DPH5: variants seen among roughly 807,000 people sequenced by gnomAD.
The protein encoded by DPH5 is diphthamide biosynthesis 5.
Under a neutral mutation model 31.6 loss-of-function variants are expected in DPH5, and 31 were observed. The observed-to-expected ratio is 0.98, with a 90% CI of 0.74 to 1.32. The LOEUF (loss-of-function observed/expected upper bound fraction) is 1.32, where lower values mean the gene tolerates loss of function less well. Ranked by LOEUF, DPH5 falls within the 40% of genes most tolerant of loss-of-function variation. The probability of loss-of-function intolerance (pLI) is 0.00; values close to 1 mark genes in which losing one functional copy is unlikely to be tolerated. For missense variants in DPH5, 309 were observed against 335.7 expected (o/e 0.92, Z 0.62); for synonymous variants, 120 against 115.0 (o/e 1.04, Z -0.28).
At chr1:101,024,363 C>A (rs911959796) in intron 2 of DPH5, among the ~76,000 whole-genome samples, 2 of 152,194 alleles carry the variant, frequency 1.3e-5, no homozygotes, top group African/African-American at 2.4e-5. Context: ...GAGCCATGAT[C>A]ATACCATTGC....
At chr1:101,021,858 ACT>A (rs1491035034) in intron 2 of DPH5, 93 bp from the exon 3 acceptor site, 5 of 1,157,580 alleles carry the variant, frequency 4.3e-6, no homozygotes, top group East Asian at 2.7e-5. Flanking sequence ...ACACACACAC[ACT>A]CTTTGTTTGG....
intron 4 of DPH5, among the ~76,000 whole-genome samples, chr1:101,004,058 G>A (rs1456301421): frequency 6.6e-6 from 1 of 152,164 alleles, no homozygotes; most frequent in East Asian, 1.9e-4. Flanking sequence ...TGAGATGCAA[G>A]TCACATATAA....
At position 100,989,797 on chromosome 1, in the gene DPH5, CA is replaced by C. The variant is rs1384410788; in HGVS notation, c.*610del. The C allele has an allele frequency of 1.3e-5, 2 of 152,340 alleles. No individual in the cohort carries two copies. Among genetic ancestry groups the C allele is most frequent in the African/African-American group, 4.8e-5 (2 of 41,436 alleles). The allele number at this position is 152,340 out of a possible 1,614,324, so 9.4% of individuals were successfully genotyped here. ...AAAAACTGCTCTTAAATGATTCTGT[CA>C]GTGGATGTCTATCCACAAGCTTTCC... On this transcript the variant is annotated 3_prime_UTR_variant, in exon 8 of 8. Transcript: ENST00000370109.
chr1:101,008,881 C>T (rs1275528994), intron 4 of DPH5, among the ~76,000 whole-genome samples: 2 of 152,214 alleles, frequency 1.3e-5, no homozygotes, highest in East Asian at 3.8e-4. Context: ...CCACGCTGTG[C>T]AACCACTGCC....
chr1:100,991,904 C>T (rs1427685323), intron 7 of DPH5, among the ~76,000 whole-genome samples: 3 of 150,596 alleles, frequency 2.0e-5, no homozygotes, highest in South Asian at 2.1e-4. Flanking sequence ...CCAAGGAATT[C>T]GAGAAAAGCC....
rs931406651 is a variant in DPH5, at chr1:101,008,448, C to T, written c.369+5262G>A. Among the ~76,000 whole-genome samples the T allele has an allele frequency of 1.6e-4, 24 of 152,350 alleles. No individual in the cohort carries two copies. The South Asian group carries it at 2.3e-3, about 14-fold the overall frequency. The stretch of plus-strand genomic sequence containing the variant: ...GTAATCTGAGATCCAGAGAAGATGA[C>T]GCCTTAGTTACTGCCTAGGCAAGAA... On this transcript the variant is annotated intron_variant, in intron 4 of 7. Transcript: ENST00000370109.
At chr1:101,006,131 C>T (rs946285092) in intron 4 of DPH5, among the ~76,000 whole-genome samples, 1 of 152,314 alleles carries the variant, frequency 6.6e-6, no homozygotes, top group Non-Finnish European at 1.5e-5. Flanking sequence ...AATTAAACTC[C>T]ACAGTTTATT....
At chr1:101,002,271 C>T (rs965020384) in intron 4 of DPH5, among the ~76,000 whole-genome samples, 2 of 152,218 alleles carry the variant, frequency 1.3e-5, no homozygotes, top group East Asian at 1.9e-4. Context: ...GCTGGCTTCT[C>T]TGATCCAGAC....
chr1:101,014,896 C>A lies in DPH5; in HGVS notation c.261-1078G>T, dbSNP rs1458137351. Among the ~76,000 whole-genome samples the A allele has an allele frequency of 5.9e-5, 9 of 152,312 alleles. No homozygotes were observed. In the East Asian group the frequency reaches 1.5e-3, roughly 26 times the overall value. The stretch of plus-strand genomic sequence containing the variant: ...ACTTTCTTTGCCTGTCCATAAGAAG[C>A]AACTCTTCATCTGTTCAAGTTTTAT... On this transcript the variant is annotated intron_variant, in intron 3 of 7. Transcript: ENST00000370109.
At chr1:101,001,848 AT>A (rs1396169628) in intron 4 of DPH5, among the ~76,000 whole-genome samples, 1 of 152,138 alleles carries the variant, frequency 6.6e-6, no homozygotes, top group Non-Finnish European at 1.5e-5. Context: ...ATGTGTAACA[AT>A]TTCATAATTT....
intron 5 of DPH5, 136 bp downstream of exon 5, chr1:101,001,331 T>A: frequency 1.4e-6 from 1 of 728,778 alleles, no homozygotes; most frequent in Non-Finnish European, 2.2e-6. Context: ...TGGGAAAGAG[T>A]GTGGTCTGCA....
At chr1:101,002,520 C>G (rs1658948762) in intron 4 of DPH5, among the ~76,000 whole-genome samples, 1 of 152,094 alleles carries the variant, frequency 6.6e-6, no homozygotes, top group Non-Finnish European at 1.5e-5. Context: ...TATCTCAGCA[C>G]TGAGCAAAGG....
rs545250782 is a variant in DPH5, at chr1:101,005,923, GA to G, written c.370-4337del. Among the ~76,000 whole-genome samples the G allele has an allele frequency of 2.3e-3, 350 of 152,212 alleles. 4 individuals carry two copies. The Middle Eastern group carries it at 0.041, about 18-fold the overall frequency. On this transcript the variant is annotated intron_variant, in intron 4 of 7. Transcript: ENST00000370109. ...GGAGGGACCCGGTAGTGGGGGAGGTGAGGGGGGGAGCAGTTACCTCCATGCT... is the reference window on the plus strand; with the variant it reads ...GGAGGGACCCGGTAGTGGGGGAGGTGGGGGGGGAGCAGTTACCTCCATGCT...
chr1:100,997,696 G>A (rs1014741698), intron 5 of DPH5, among the ~76,000 whole-genome samples: 2 of 152,100 alleles, frequency 1.3e-5, no homozygotes, highest in African/African-American at 4.8e-5. Context: ...TATATGGGGA[G>A]GTTATCAGGT....
At chr1:101,006,473 A>C (rs1174966933) in intron 4 of DPH5, among the ~76,000 whole-genome samples, 1 of 152,188 alleles carries the variant, frequency 6.6e-6, no homozygotes, top group Non-Finnish European at 1.5e-5. Context: ...GCAGGTAGTC[A>C]AAAACTGTTC....
intron 5 of DPH5, among the ~76,000 whole-genome samples, chr1:100,999,209 G>C (rs752878978): frequency 9.2e-5 from 14 of 152,214 alleles, no homozygotes; most frequent in African/African-American, 3.4e-4. Context: ...CAGCACTTTG[G>C]GGGGCCAAGG....
intron 7 of DPH5, among the ~76,000 whole-genome samples, 171 bp from the exon 8 acceptor site, chr1:100,990,802 C>T (rs557980781): frequency 2.0e-5 from 3 of 152,326 alleles, no homozygotes; most frequent in South Asian, 2.1e-4. Flanking sequence ...TTTTCTAAAT[C>T]ATTTGTATTA....
intron 7 of DPH5, among the ~76,000 whole-genome samples, chr1:100,991,889 T>A (rs1458801446): frequency 6.6e-6 from 1 of 151,080 alleles, no homozygotes; most frequent in South Asian, 2.1e-4. Context: ...GGAGGATTGC[T>A]TGAGCCAAGG....
intron 4 of DPH5, among the ~76,000 whole-genome samples, chr1:101,002,434 ACTC>A (rs1287574491): frequency 1.3e-5 from 2 of 152,098 alleles, no homozygotes; most frequent in African/African-American, 2.4e-5. Context: ...TGTTTTTCCT[ACTC>A]CTAGGGTTGT....
Sources: allele counts gnomAD v4.1 joint callset (sites outside exome capture counted in the v4.1 genomes callset), GRCh38; gene constraint gnomAD v4.1.1; transcripts MANE v1.5; gene names NCBI Gene and HGNC (gene_info 2026-07-23, HGNC 2026-07-21).